Variants in PDZRN3 observed in about 807,000 individuals in gnomAD.
PDZRN3 encodes E3 ubiquitin-protein ligase PDZRN3.
In PDZRN3, 38 loss-of-function variants were observed where a neutral mutation model predicts 85.7. The ratio of observed to expected loss-of-function variants is 0.44; its 90% CI spans 0.34 to 0.58. PDZRN3 has a LOEUF of 0.58. PDZRN3 is among the 20% of genes least tolerant of loss of function. The pLI is 0.01. For synonymous variants in PDZRN3, 759 were observed against 638.0 expected, an observed-to-expected ratio of 1.19 and a Z score of -2.86; for missense variants, 1,629 against 1,506.4, an observed-to-expected ratio of 1.08 and a Z score of -1.35.
At chr3:73,484,187 G>A (rs1041679806) in intron 3 of PDZRN3, among the ~76,000 whole-genome samples, 5 of 152,140 alleles carry the variant, frequency 3.3e-5, no homozygotes, top group Non-Finnish European at 5.9e-5. Flanking sequence ...TCTCTAAGGT[G>A]TCCTATGTTA....
rs1703859199 is a variant in PDZRN3, at chr3:73,496,008, AT to A, written c.919-91614del. Among the ~76,000 whole-genome samples, 9 of 151,890 alleles carry A rather than the reference AT, an allele frequency of 5.9e-5. No homozygotes were observed. In the South Asian group the frequency reaches 1.9e-3, roughly 32 times the overall value. ...TTTCAGCACCATATATCTGTTCTTAATTGATGTGTTAATTATAAGGATTATC... is the reference window on the plus strand; with the variant it reads ...TTTCAGCACCATATATCTGTTCTTAATGATGTGTTAATTATAAGGATTATC... On this transcript the variant is annotated intron_variant, in intron 3 of 9. Transcript: ENST00000263666.
intron 3 of PDZRN3, chr3:73,433,869 C>G (rs111720169): frequency 2.8e-5 from 40 of 1,433,348 alleles, no homozygotes; most frequent in African/African-American, 2.6e-4. Context: ...GACAACAACT[C>G]TCTCCCCCCT....
intron 3 of PDZRN3, among the ~76,000 whole-genome samples, chr3:73,530,730 C>G (rs1261850490): frequency 6.6e-6 from 1 of 152,064 alleles, no homozygotes; most frequent in African/African-American, 2.4e-5. Context: ...TCTTTGGTTT[C>G]TATTCATTTC....
At chr3:73,416,899 T>TTTTTTTG (rs1702101649) in intron 3 of PDZRN3, among the ~76,000 whole-genome samples, 1 of 130,942 alleles carries the variant, frequency 7.6e-6, no homozygotes, top group Non-Finnish European at 1.6e-5. Flanking sequence ...TTTTTTTTTT[T>TTTTTTTG]TTTTTTTTTT....
intron 1 of PDZRN3, among the ~76,000 whole-genome samples, chr3:73,618,637 G>A (rs1440918694): frequency 6.6e-6 from 1 of 152,142 alleles, no homozygotes; most frequent in Non-Finnish European, 1.5e-5. Context: ...ATGCATAATT[G>A]CCTTATAAAT....
chr3:73,440,108 A>G (rs9883532), intron 3 of PDZRN3, among the ~76,000 whole-genome samples: 19,735 of 151,956 alleles, frequency 0.13, 4,017 homozygotes, highest in African/African-American at 0.44. Context: ...TGTCTTGAGG[A>G]CATTTTCTTT....
intron 3 of PDZRN3, among the ~76,000 whole-genome samples, chr3:73,436,226 T>G (rs1000882751): frequency 6.6e-6 from 1 of 152,234 alleles, no homozygotes; most frequent in Admixed American, 6.5e-5. Context: ...TTAACGCTTA[T>G]GTGTTTGCTG....
chr3:73,603,390 A>G (rs1372704355), intron 2 of PDZRN3, among the ~76,000 whole-genome samples: 1 of 152,190 alleles, frequency 6.6e-6, no homozygotes, highest in Non-Finnish European at 1.5e-5. Flanking sequence ...CAAGCTCATA[A>G]AAAACCCTCA....
chr3:73,615,907 C>T (rs951221915), intron 1 of PDZRN3, among the ~76,000 whole-genome samples: 1 of 152,130 alleles, frequency 6.6e-6, no homozygotes, highest in Non-Finnish European at 1.5e-5. Context: ...GGATGACTGT[C>T]CCCCCAAATC....
intron 3 of PDZRN3, among the ~76,000 whole-genome samples, chr3:73,442,382 G>A (rs770459132): frequency 2.6e-5 from 4 of 152,174 alleles, no homozygotes; most frequent in Admixed American, 2.0e-4. Context: ...CAAGGGGAGA[G>A]ACCCTAAGGA....
At chr3:73,541,930 G>A (rs776178187) in intron 3 of PDZRN3, among the ~76,000 whole-genome samples, 2 of 152,148 alleles carry the variant, frequency 1.3e-5, no homozygotes, top group Non-Finnish European at 2.9e-5. Context: ...TTTCAGCAGA[G>A]TGGTAAGCTA....
intron 3 of PDZRN3, among the ~76,000 whole-genome samples, chr3:73,582,332 T>C (rs974411693): frequency 6.6e-6 from 1 of 152,042 alleles, no homozygotes; most frequent in Non-Finnish European, 1.5e-5. Context: ...GGATGGTGCA[T>C]TGAATAAAAT....
chr3:73,561,014 C>G (rs147600092), intron 3 of PDZRN3, among the ~76,000 whole-genome samples: 2 of 152,158 alleles, frequency 1.3e-5, no homozygotes, highest in African/African-American at 4.8e-5. Context: ...TCTGGGGAAA[C>G]CATGTAAAAA....
Position 73,404,190 on chromosome 3 carries a change from G to A in PDZRN3, c.1124C>T (p.Ser375Phe). 1 of 1,614,044 alleles carries A rather than the reference G, an allele frequency of 6.2e-7. No homozygotes were observed. Among genetic ancestry groups the A allele is most frequent in the Non-Finnish European group, 8.5e-7 (1 of 1,179,900 alleles). ...GGGATCCAGCACGGGTGGGCTGGGA[G>A]AGGACATCTTAGTGAGGGCCATGAT... ...EHIMALTKMS[S>F]PSPPVLDPYL... is the part of the protein sequence containing the mutation. The change falls in exon 4 of 10, where the codon TCT becomes TTT. Residue 375 changes from serine (S) to phenylalanine (F), a missense_variant. Ser to Phe is a radical substitution (Grantham distance 155, BLOSUM62 -2). Transcript: ENST00000263666.
At position 73,624,379 on chromosome 3, in the gene PDZRN3, G is replaced by C. The variant is rs761525229; in HGVS notation, c.447C>G (p.Pro149=). 9 of 1,314,966 alleles carry C rather than the reference G, an allele frequency of 6.8e-6. No homozygotes were observed. The East Asian group carries it at 2.6e-4, about 38-fold the overall frequency. 81.5% of individuals were successfully genotyped at this position (1,314,966 alleles called of 1,614,324 possible). The change falls in exon 1 of 10, where the codon CCC becomes CCG. Residue 149 remains proline, a synonymous_variant. Coordinates refer to ENST00000263666, the MANE Select transcript of PDZRN3 (RefSeq NM_015009.3). ...CCGCGCGCTGCTCGCCGTGCGTCAA[G>C]GGTAGCCCGCAGCCCTCCTGGCAGC... The part of the protein sequence containing the change: ...VGRCQEGCGL[P]LTHGEQRAGG...
At chr3:73,483,806 G>A (rs1402248244) in intron 3 of PDZRN3, among the ~76,000 whole-genome samples, 1 of 152,192 alleles carries the variant, frequency 6.6e-6, no homozygotes, top group Non-Finnish European at 1.5e-5. Flanking sequence ...GCTGACGTTT[G>A]GGTTGGGCAG....
At chr3:73,386,138 T>A (rs1191958555) in intron 8 of PDZRN3, among the ~76,000 whole-genome samples, 2 of 151,750 alleles carry the variant, frequency 1.3e-5, no homozygotes, top group African/African-American at 4.8e-5. Context: ...AGACACGAGT[T>A]TAACAGGTCC....
chr3:73,520,478 C>A (rs1298896920), intron 3 of PDZRN3, among the ~76,000 whole-genome samples: 1 of 152,108 alleles, frequency 6.6e-6, no homozygotes, highest in Admixed American at 6.5e-5. Flanking sequence ...CATGTTCCCG[C>A]CCAGCCAACA....
At chr3:73,528,510 T>C (rs2106747930) in intron 3 of PDZRN3, among the ~76,000 whole-genome samples, 1 of 152,194 alleles carries the variant, frequency 6.6e-6, no homozygotes, top group East Asian at 1.9e-4. Context: ...CTGTCAAGAA[T>C]AAACAACTGA....
Sources: gnomAD v4.1 joint callset for allele counts (sites outside exome capture counted in the v4.1 genomes callset) on GRCh38, gnomAD v4.1.1 for gene constraint, MANE v1.5 for transcripts, NCBI Gene and HGNC (gene_info 2026-07-23, HGNC 2026-07-21) for gene names.